The following ESR1 variants were observed in gnomAD, a reference collection of about 807,000 sequenced individuals.
ESR1 encodes the protein estrogen receptor.
In ESR1, 12 loss-of-function variants were observed where a neutral mutation model predicts 52.7. The observed-to-expected ratio is 0.23, with a 90% CI of 0.15 to 0.37. The LOEUF (loss-of-function observed/expected upper bound fraction) is 0.37. ESR1 is among the 10% of genes least tolerant of loss of function. ESR1 has a pLI of 1.00. For missense variants in ESR1, 584 were observed against 779.7 expected (o/e 0.75, Z 2.99); for synonymous variants, 305 against 316.8 (o/e 0.96, Z 0.39).
intron 1 of ESR1, chr6:151,809,171 G>T (rs1300175660): frequency 2.2e-6 from 1 of 451,894 alleles, no homozygotes; most frequent in Admixed American, 2.4e-5. Context: ...ATGCCCCGGA[G>T]TGGCGTGCGG....
chr6:151,824,181 A>G (rs1393596570), intron 1 of ESR1, among the ~76,000 whole-genome samples: 2 of 152,012 alleles, frequency 1.3e-5, no homozygotes, highest in Non-Finnish European at 1.5e-5. Context: ...GTGTGAGATG[A>G]TATCTCATTG....
chr6:151,798,398 A>T (rs910789203), intron 2 of ESR1, among the ~76,000 whole-genome samples: 1 of 152,218 alleles, frequency 6.6e-6, no homozygotes, highest in African/African-American at 2.4e-5. Flanking sequence ...AATTTGTGCC[A>T]TTAGCCATTT....
intron 6 of ESR1, among the ~76,000 whole-genome samples, chr6:152,072,572 G>T (rs3778087): frequency 0.21 from 31,163 of 151,994 alleles, 4,403 homozygotes; most frequent in African/African-American, 0.39. Flanking sequence ...CCTTTCTCTA[G>T]TGATCAAGGA....
chr6:152,030,678 C>G (rs1167300528), intron 5 of ESR1, among the ~76,000 whole-genome samples: 1 of 152,148 alleles, frequency 6.6e-6, no homozygotes, highest in Non-Finnish European at 1.5e-5. Flanking sequence ...GACTCCCACA[C>G]AATAATAATG....
In ESR1 at chr6:151,678,873, G is replaced by C. The variant is rs555901779; in HGVS notation, n.73+22110G>C. 3.9e-5 allele frequency among the ~76,000 whole-genome samples: 6 copies of C among 152,050 alleles called. No individual in the cohort carries two copies. The East Asian group carries it at 1.2e-3, about 30-fold the overall frequency. On this transcript the variant is annotated intron_variant and non_coding_transcript_variant, in intron 1 of 2. Coordinates refer to the ESR1 transcript ENST00000473497. ...GGCTAATTTTTGCATTTTTAGTAGA[G>C]ACAGGGTTTCACACTGTTGACCAGG...
At chr6:152,021,175 G>A (rs776104207) in intron 5 of ESR1, among the ~76,000 whole-genome samples, 4 of 152,050 alleles carry the variant, frequency 2.6e-5, no homozygotes, top group Non-Finnish European at 2.9e-5. Flanking sequence ...TGGTGGGCAC[G>A]ATCTAGTCAG....
At chr6:152,006,370 G>C (rs1253355975) in intron 4 of ESR1, among the ~76,000 whole-genome samples, 1 of 151,890 alleles carries the variant, frequency 6.6e-6, no homozygotes, top group Non-Finnish European at 1.5e-5. Flanking sequence ...GCATATAAGA[G>C]AGTCCAAACA....
At chr6:152,066,946 C>G (rs1242432022) in intron 6 of ESR1, among the ~76,000 whole-genome samples, 1 of 152,204 alleles carries the variant, frequency 6.6e-6, no homozygotes, top group African/African-American at 2.4e-5. Context: ...GTTAGTAAAG[C>G]ATCTTGCACC....
At chr6:152,044,160 T>A (rs1425149062) in intron 5 of ESR1, among the ~76,000 whole-genome samples, 1 of 152,224 alleles carries the variant, frequency 6.6e-6, no homozygotes, top group Non-Finnish European at 1.5e-5. Flanking sequence ...ACTAAACTCC[T>A]TGCCTCTCAT....
chr6:152,054,716 T>C (rs2046963100), intron 5 of ESR1, among the ~76,000 whole-genome samples: 2 of 152,194 alleles, frequency 1.3e-5, no homozygotes, highest in African/African-American at 4.8e-5. Context: ...ATGAGCTAGA[T>C]TACTCAATAT....
At chr6:151,977,948 C>A (rs1364638684) in intron 4 of ESR1, among the ~76,000 whole-genome samples, 10 of 88,378 alleles carry the variant, frequency 1.1e-4, no homozygotes, top group East Asian at 2.9e-4. Flanking sequence ...AGTGAGACAG[C>A]AGGAAAAAAA....
At chr6:151,971,424 A>C (rs2038899230) in intron 4 of ESR1, among the ~76,000 whole-genome samples, 1 of 152,054 alleles carries the variant, frequency 6.6e-6, no homozygotes, top group Non-Finnish European at 1.5e-5. Context: ...GCTCCCACTT[A>C]TGAGTGAGAA....
chr6:151,744,039 A>C (rs1783300098), intron 2 of ESR1, among the ~76,000 whole-genome samples: 1 of 152,070 alleles, frequency 6.6e-6, no homozygotes, highest in African/African-American at 2.4e-5. Context: ...TTTACTTAGC[A>C]TACTGTTTTC....
intron 1 of ESR1, among the ~76,000 whole-genome samples, chr6:151,818,517 C>A (rs1365160580): frequency 6.6e-6 from 1 of 152,172 alleles, no homozygotes; most frequent in African/African-American, 2.4e-5. Flanking sequence ...GAATAGCTAG[C>A]AAAGTTATCA....
At chr6:151,974,451 G>A (rs981709540) in intron 4 of ESR1, among the ~76,000 whole-genome samples, 9 of 152,174 alleles carry the variant, frequency 5.9e-5, no homozygotes, top group African/African-American at 2.2e-4. Context: ...CTGATTACAG[G>A]ATCCATGATC....
intron 5 of ESR1, among the ~76,000 whole-genome samples, chr6:152,029,353 A>C (rs1282645282): frequency 6.6e-6 from 1 of 152,224 alleles, no homozygotes; most frequent in Non-Finnish European, 1.5e-5. Flanking sequence ...GAACTAAAGG[A>C]GGAAGTTCGA....
intron 2 of ESR1, among the ~76,000 whole-genome samples, chr6:151,791,103 T>G (rs901979640): frequency 1.3e-5 from 2 of 151,958 alleles, no homozygotes; most frequent in African/African-American, 4.8e-5. Context: ...AGGTGTGCAG[T>G]TTTAGGGGTC....
chr6:151,784,384 T>C (rs926618744), intron 2 of ESR1, among the ~76,000 whole-genome samples: 10 of 152,236 alleles, frequency 6.6e-5, no homozygotes, highest in Non-Finnish European at 1.5e-4. Context: ...TTGTTCCAGC[T>C]TCTAGAAGTT....
chr6:151,662,139 C>T (rs548062805), intron 1 of ESR1, among the ~76,000 whole-genome samples: 13 of 152,184 alleles, frequency 8.5e-5, no homozygotes, highest in African/African-American at 3.1e-4. Context: ...CACAGGAGGG[C>T]GCTCGAGAGA....
Sources: gnomAD v4.1 joint callset for allele counts (sites outside exome capture counted in the v4.1 genomes callset) on GRCh38, gnomAD v4.1.1 for gene constraint, MANE v1.5 for transcripts, NCBI Gene and HGNC (gene_info 2026-07-23, HGNC 2026-07-21) for gene names.